MAGI2: variants seen among roughly 807,000 people sequenced by gnomAD.
MAGI2 encodes membrane-associated guanylate kinase, WW and PDZ domain-containing protein 2.
Under a neutral mutation model 133.3 loss-of-function variants are expected in MAGI2, and 35 were observed. The observed-to-expected ratio is 0.26, with a 90% CI of 0.20 to 0.35. The LOEUF is 0.35. Ranked by LOEUF, MAGI2 falls within the 10% of genes least tolerant of loss-of-function variation. The pLI is 1.00. For synonymous variants in MAGI2, 729 were observed against 710.6 expected (o/e 1.03, Z -0.41); for missense variants, 1,636 against 1,863.4 (o/e 0.88, Z 2.25).
chr7:78,482,878 T>TACACACACACACAC, intron 6 of MAGI2, among the ~76,000 whole-genome samples: 1 of 89,952 alleles, frequency 1.1e-5, no homozygotes, highest in African/African-American at 4.0e-5. Flanking sequence ...CACATGGAAC[T>TACACACACACACAC]ACACACACAC....
chr7:79,106,073 A>G (rs1818425423), intron 1 of MAGI2, among the ~76,000 whole-genome samples: 1 of 152,198 alleles, frequency 6.6e-6, no homozygotes, highest in African/African-American at 2.4e-5. Flanking sequence ...AGGAAAAACA[A>G]TTGGAGTCTA....
intron 1 of MAGI2, among the ~76,000 whole-genome samples, chr7:79,214,407 C>CTCTCTATATATATA (rs1554406633): frequency 1.7e-4 from 3 of 17,718 alleles, no homozygotes; most frequent in African/African-American, 7.0e-4. Context: ...CTCTCTCTCT[C>CTCTCTATATATATA]TATATATATA....
At chr7:78,224,614 C>T (rs952445636) in intron 10 of MAGI2, among the ~76,000 whole-genome samples, 1 of 151,816 alleles carries the variant, frequency 6.6e-6, no homozygotes, top group Admixed American at 6.6e-5. Context: ...CGCAGTGAGC[C>T]AAGATCAAGC....
chr7:79,313,692 T>C (rs1838473207), intron 1 of MAGI2, among the ~76,000 whole-genome samples: 1 of 152,204 alleles, frequency 6.6e-6, no homozygotes, highest in Admixed American at 6.5e-5. Context: ...TTAGCCTTAC[T>C]TTTATTTTTG....
chr7:78,222,100 C>G (rs76374612), intron 10 of MAGI2, among the ~76,000 whole-genome samples: 1 of 152,034 alleles, frequency 6.6e-6, no homozygotes, highest in East Asian at 2.0e-4. Context: ...GCTGGACATT[C>G]AGGAGAGATG....
At chr7:78,203,442 G>T (rs1829451789) in intron 10 of MAGI2, among the ~76,000 whole-genome samples, 1 of 152,214 alleles carries the variant, frequency 6.6e-6, no homozygotes, top group Non-Finnish European at 1.5e-5. Flanking sequence ...GAGACAAGGA[G>T]AGGGGGCGTT....
chr7:78,662,503 T>C (rs1813078178), intron 2 of MAGI2, among the ~76,000 whole-genome samples: 1 of 152,238 alleles, frequency 6.6e-6, no homozygotes, highest in South Asian at 2.1e-4. Flanking sequence ...TTTTCTTTAA[T>C]AACACTTATG....
At chr7:78,597,860 G>GT (rs79078368) in intron 3 of MAGI2, among the ~76,000 whole-genome samples, 37 of 110,222 alleles carry the variant, frequency 3.4e-4, no homozygotes, top group African/African-American at 8.3e-4. Context: ...CTGGCAAACT[G>GT]TTTTTTTTTT....
chr7:78,210,933 G>A (rs1397362777), intron 10 of MAGI2, among the ~76,000 whole-genome samples: 1 of 152,156 alleles, frequency 6.6e-6, no homozygotes, highest in Non-Finnish European at 1.5e-5. Flanking sequence ...AGGTGAGGAA[G>A]TGGGACTGAG....
intron 9 of MAGI2, among the ~76,000 whole-genome samples, chr7:78,321,218 C>T (rs1787967927): frequency 6.6e-6 from 1 of 152,102 alleles, no homozygotes; most frequent in Non-Finnish European, 1.5e-5. Flanking sequence ...AGATTCAATG[C>T]CATCCCCATC....
intron 1 of MAGI2, among the ~76,000 whole-genome samples, chr7:79,048,469 C>A: frequency 6.6e-6 from 1 of 152,200 alleles, no homozygotes; most frequent in Middle Eastern, 3.4e-3. Context: ...TAACTTCTCC[C>A]TTTTTACTAC....
intron 2 of MAGI2, among the ~76,000 whole-genome samples, chr7:78,853,086 A>G (rs985323870): frequency 6.6e-6 from 1 of 152,088 alleles, no homozygotes; most frequent in Admixed American, 6.6e-5. Context: ...GAGTCATTTT[A>G]GAAGGCAAGA....
chr7:79,084,838 T>G (rs146493194), intron 1 of MAGI2, among the ~76,000 whole-genome samples: 261 of 151,956 alleles, frequency 1.7e-3, no homozygotes, highest in Non-Finnish European at 2.8e-3. Context: ...AATTTTTTAA[T>G]TTAAATTTTG....
At chr7:78,238,409 T>G (rs942741009) in intron 10 of MAGI2, among the ~76,000 whole-genome samples, 2 of 152,060 alleles carry the variant, frequency 1.3e-5, no homozygotes, top group Non-Finnish European at 2.9e-5. Context: ...AGGTTAAAAT[T>G]TTTGTAGTCC....
intron 6 of MAGI2, among the ~76,000 whole-genome samples, chr7:78,382,167 G>T (rs1377339399): frequency 1.4e-5 from 2 of 139,514 alleles, no homozygotes. Context: ...AGATCATATT[G>T]TTAAACAAAA....
At chr7:78,150,240 A>G (rs1334075943) in intron 16 of MAGI2, among the ~76,000 whole-genome samples, 1 of 152,170 alleles carries the variant, frequency 6.6e-6, no homozygotes, top group Non-Finnish European at 1.5e-5. Flanking sequence ...TCCCCTTATA[A>G]TACCCTTTCA....
intron 1 of MAGI2, 22 bp from the exon 2 acceptor site, chr7:79,007,228 T>C (rs773244167): frequency 3.6e-6 from 5 of 1,394,432 alleles, no homozygotes; most frequent in Non-Finnish European, 3.0e-6. Context: ...AAAAGTTTCT[T>C]GGTAAGGGAT....
In MAGI2 at chr7:78,255,559, G is replaced by A. The variant is rs182233766; in HGVS notation, c.2047+384C>T. The A allele has an allele frequency of 1.8e-4, 71 of 399,876 alleles. 1 individual carries two copies. The East Asian group carries it at 3.2e-3, about 18-fold the overall frequency. 24.8% of individuals were successfully genotyped at this position (399,876 alleles called of 1,614,324 possible). A position where few individuals can be genotyped will look rare whatever the true frequency, so the allele number is the denominator to read the frequency against. Reference sequence around the variant, plus strand: ...TGGAAACCTAAGCACGATTAAAAGCGTTGCTTCCATCGTAAAAGCAGGTTT... The same window carrying A: ...TGGAAACCTAAGCACGATTAAAAGCATTGCTTCCATCGTAAAAGCAGGTTT... On this transcript the variant is annotated intron_variant, in intron 10 of 21. Coordinates refer to ENST00000354212, the MANE Select transcript of MAGI2 (RefSeq NM_012301.4).
chr7:78,447,735 T>C (rs1010539851), intron 6 of MAGI2, among the ~76,000 whole-genome samples: 1 of 152,206 alleles, frequency 6.6e-6, no homozygotes, highest in African/African-American at 2.4e-5. Context: ...AATGAATAGA[T>C]ACAAAGCTTT....
Sources: allele counts gnomAD v4.1 joint callset (sites outside exome capture counted in the v4.1 genomes callset), GRCh38; gene constraint gnomAD v4.1.1; transcripts MANE v1.5; gene names NCBI Gene and HGNC (gene_info 2026-07-23, HGNC 2026-07-21).